SIDT1: variants seen among roughly 807,000 people sequenced by gnomAD.
SIDT1 encodes the protein SID1 transmembrane family member 1, also known as SID1 transmembrane family, member 1.
SIDT1 carries 101 observed loss-of-function variants against 107.5 expected under a neutral mutation model. The observed-to-expected ratio is 0.94, with a 90% CI of 0.80 to 1.11. SIDT1 has a LOEUF of 1.11. SIDT1 is among the 50% of genes least tolerant of loss of function. SIDT1 has a pLI of 0.00. For missense variants in SIDT1, 1,076 were observed against 1,058.2 expected (o/e 1.02, Z -0.23); for synonymous variants, 395 against 398.2 (o/e 0.99, Z 0.10).
Position 113,585,204 on chromosome 3 carries a change from T to C in SIDT1, c.935T>C (p.Phe312Ser). The C allele has an allele frequency of 6.2e-7, 1 of 1,613,734 alleles. No homozygotes were observed. Among genetic ancestry groups the C allele is most frequent in the South Asian group, 1.1e-5 (1 of 91,076 alleles). Residue 312 changes from phenylalanine to serine, a missense_variant, in exon 9 of 25, where the codon TTC becomes TCC. Phe to Ser is a radical substitution (Grantham distance 155). Transcript: ENST00000264852. ...TCTGTTTATGTGAAATCCAGTCTTT[T>C]CAGTGTCTTCATCTTCCTGTCCTTC... ...KESVYVKSSLFSVFIFLSFYL... is the reference protein window; with the variant it reads ...KESVYVKSSLSSVFIFLSFYL...
At chr3:113,557,691 A>C (rs1461210192) in intron 1 of SIDT1, among the ~76,000 whole-genome samples, 1 of 152,208 alleles carries the variant, frequency 6.6e-6, no homozygotes, top group African/African-American at 2.4e-5. Context: ...GGCCCAGCTA[A>C]CACCTTGATT....
intron 1 of SIDT1, among the ~76,000 whole-genome samples, chr3:113,542,995 G>T (rs1363794052): frequency 6.6e-6 from 1 of 151,762 alleles, no homozygotes; most frequent in African/African-American, 2.4e-5. Flanking sequence ...AGGCTGGAGT[G>T]CAGTGGCGCG....
rs1339172572 is a variant in SIDT1 at position 113,536,499 on chromosome 3, T to G, written c.222+3256T>G. 2.6e-5 allele frequency among the ~76,000 whole-genome samples: 4 copies of G among 152,220 alleles called. No individual in the cohort carries two copies. In the South Asian group the frequency reaches 8.3e-4, roughly 31 times the overall value. Reference sequence around the variant, plus strand: ...TTGTTTTCCTCTTTCTTCAAGCCATTGTTGCTTGACATTATTTTTCCTGTG... The same window carrying G: ...TTGTTTTCCTCTTTCTTCAAGCCATGGTTGCTTGACATTATTTTTCCTGTG... On this transcript the variant is annotated intron_variant, in intron 1 of 24. Coordinates refer to ENST00000264852, the MANE Select transcript of SIDT1 (RefSeq NM_017699.3).
Position 113,602,926 on chromosome 3 carries a change from A to C in SIDT1, c.1118-79A>C, listed in dbSNP as rs570141951. On this transcript the variant is annotated intron_variant, in intron 11 of 24. Transcript: ENST00000264852. ...ACAGCATTTCCTAGAATGAGTCTGC[A>C]CTGTGCTTTTTGCAGAGACGAATGG... The C allele has an allele frequency of 1.0e-5, 15 of 1,490,610 alleles. No homozygotes were observed. In the Admixed American group the frequency reaches 2.8e-4, roughly 28 times the overall value. 92.3% of individuals were successfully genotyped at this position (1,490,610 alleles called of 1,614,324 possible). A position where few individuals can be genotyped will look rare whatever the true frequency, so the allele number is the denominator to read the frequency against.
At chr3:113,585,489 A>C (rs1943677467) in intron 9 of SIDT1, among the ~76,000 whole-genome samples, 2 of 152,134 alleles carry the variant, frequency 1.3e-5, no homozygotes, top group East Asian at 3.9e-4. Flanking sequence ...CAAAAAGTAC[A>C]ACTGCAGCTT....
intron 11 of SIDT1, 102 bp from the exon 12 acceptor site, chr3:113,602,903 A>T (rs966332442): frequency 1.6e-6 from 2 of 1,245,454 alleles, no homozygotes; most frequent in Non-Finnish European, 2.2e-6. Flanking sequence ...GGATCAACAC[A>T]GCATTTCCTA....
At chr3:113,635,973 A>G in the SIDT1 span, among the ~76,000 whole-genome samples, 27 of 152,314 alleles carry the variant, frequency 1.8e-4, no homozygotes, top group East Asian at 4.8e-3. Flanking sequence ...GGGTATAATG[A>G]TAATGGTGAT....
chr3:113,599,716 T>G (rs1371208127), intron 10 of SIDT1, among the ~76,000 whole-genome samples: 1 of 152,116 alleles, frequency 6.6e-6, no homozygotes, highest in African/African-American at 2.4e-5. Flanking sequence ...AGTAGAACAG[T>G]GAATATCAGG....
chr3:113,605,154 G>T (rs569217337), intron 14 of SIDT1, among the ~76,000 whole-genome samples, 178 bp downstream of exon 14: 7 of 115,188 alleles, frequency 6.1e-5, no homozygotes, highest in African/African-American at 1.8e-4. Flanking sequence ...ACGGAGTCTC[G>T]CTCTGTCACC....
intron 1 of SIDT1, among the ~76,000 whole-genome samples, chr3:113,546,221 G>T (rs763465848): frequency 4.6e-5 from 7 of 152,102 alleles, no homozygotes; most frequent in African/African-American, 7.2e-5. Context: ...AGCATTAAGA[G>T]TCATTGTTCT....
chr3:113,582,350 T>G (rs1244351444), intron 6 of SIDT1, among the ~76,000 whole-genome samples: 1 of 152,198 alleles, frequency 6.6e-6, no homozygotes, highest in Non-Finnish European at 1.5e-5. Context: ...TACTGAATAA[T>G]AAGGCAAGAA....
intron 9 of SIDT1, among the ~76,000 whole-genome samples, chr3:113,592,219 G>A (rs550134980): frequency 6.6e-6 from 1 of 152,274 alleles, no homozygotes; most frequent in African/African-American, 2.4e-5. Context: ...CGATAGTGGT[G>A]GGAGCTGTAC....
At chr3:113,615,950 C>G in intron 19 of SIDT1, 150 bp from the exon 20 acceptor site, 4 of 680,424 alleles carry the variant, frequency 5.9e-6, no homozygotes, top group Non-Finnish European at 1.1e-5. Flanking sequence ...AAAGCAAATA[C>G]TTATTGCGCA....
chr3:113,621,992 G>C (rs990029001), intron 21 of SIDT1, among the ~76,000 whole-genome samples: 2 of 152,162 alleles, frequency 1.3e-5, no homozygotes, highest in Admixed American at 6.5e-5. Context: ...AAATGGAACA[G>C]TGCAGGCTAG....
At chr3:113,535,365 A>G (rs1938019527) in intron 1 of SIDT1, among the ~76,000 whole-genome samples, 1 of 152,238 alleles carries the variant, frequency 6.6e-6, no homozygotes, top group South Asian at 2.1e-4. Flanking sequence ...AAGGGTTATT[A>G]GCTAAGGCTA....
intron 10 of SIDT1, among the ~76,000 whole-genome samples, chr3:113,600,772 T>C (rs890952079): frequency 6.6e-6 from 1 of 152,236 alleles, no homozygotes; most frequent in African/African-American, 2.4e-5. Flanking sequence ...TTGAAGTTGG[T>C]TGAAAAGCAT....
chr3:113,578,954 A>G (rs1943126412), intron 4 of SIDT1, among the ~76,000 whole-genome samples: 1 of 152,252 alleles, frequency 6.6e-6, no homozygotes, highest in Non-Finnish European at 1.5e-5. Flanking sequence ...GATATCTACG[A>G]AAGGTTTACT....
At chr3:113,556,798 T>C (rs1187917470) in intron 1 of SIDT1, among the ~76,000 whole-genome samples, 1 of 148,236 alleles carries the variant, frequency 6.7e-6, no homozygotes, top group Non-Finnish European at 1.5e-5. Context: ...GGCTTCTGAT[T>C]GGTATGCCCT....
At chr3:113,595,014 C>T (rs1404137986) in intron 10 of SIDT1, 1 of 154,236 alleles carries the variant, frequency 6.5e-6, no homozygotes, top group Non-Finnish European at 1.5e-5. Context: ...TCTTGTGTTT[C>T]ATTGGCCTAG....
Sources: gnomAD v4.1 joint callset for allele counts (sites outside exome capture counted in the v4.1 genomes callset) on GRCh38, gnomAD v4.1.1 for gene constraint, MANE v1.5 for transcripts, NCBI Gene and HGNC (gene_info 2026-07-23, HGNC 2026-07-21) for gene names.